The following CAPZB variants were observed in gnomAD, a reference collection of about 807,000 sequenced individuals.
CAPZB encodes the protein F-actin-capping protein subunit beta.
Under a neutral mutation model 38.1 loss-of-function variants are expected in CAPZB, and 2 were observed. That is an observed-to-expected ratio of 0.05 (90% CI 0.02 to 0.17). CAPZB has a LOEUF of 0.17. CAPZB is among the 10% of genes least tolerant of loss of function. The pLI, the probability that CAPZB is intolerant of heterozygous loss-of-function variation, is 1.00. For missense variants in CAPZB, 161 were observed against 334.2 expected (o/e 0.48, Z 4.04); for synonymous variants, 107 against 127.4 (o/e 0.84, Z 1.08).
At chr1:19,396,193 A>G (rs1303163771) in intron 2 of CAPZB, among the ~76,000 whole-genome samples, 1 of 152,178 alleles carries the variant, frequency 6.6e-6, no homozygotes, top group African/African-American at 2.4e-5. Flanking sequence ...GGCAGTGATG[A>G]GCTGTCTGGA....
At chr1:19,362,889 A>G (rs1363496393) in intron 4 of CAPZB, among the ~76,000 whole-genome samples, 1 of 151,952 alleles carries the variant, frequency 6.6e-6, no homozygotes, top group Non-Finnish European at 1.5e-5. Flanking sequence ...TGAACCATGA[A>G]GTGGGGGGGC....
intron 1 of CAPZB, among the ~76,000 whole-genome samples, chr1:19,447,988 G>A (rs952252313): frequency 3.9e-5 from 6 of 152,214 alleles, no homozygotes; most frequent in Non-Finnish European, 7.3e-5. Flanking sequence ...AAAAGAGGGC[G>A]GAGGGAGGGC....
intron 6 of CAPZB, among the ~76,000 whole-genome samples, chr1:19,354,083 T>C (rs1458245951): frequency 6.6e-6 from 1 of 152,218 alleles, no homozygotes; most frequent in Admixed American, 6.5e-5. Flanking sequence ...AGTAGCATAT[T>C]TTTTTCTCAC....
intron 1 of CAPZB, among the ~76,000 whole-genome samples, chr1:19,473,148 A>G (rs1421870819): frequency 1.3e-5 from 2 of 152,176 alleles, no homozygotes; most frequent in African/African-American, 2.4e-5. Context: ...TCACTAACAT[A>G]AAGCACTTTC....
rs189418192 is a variant in CAPZB, at chr1:19,440,528, G to A, written c.4-20778C>T. Among the ~76,000 whole-genome samples, 10 of 152,220 alleles carry A rather than the reference G, an allele frequency of 6.6e-5. No homozygotes were observed. The East Asian group carries it at 1.5e-3, about 23-fold the overall frequency. On this transcript the variant is annotated intron_variant, in intron 1 of 8. Coordinates refer to ENST00000264202, the MANE Select transcript of CAPZB (RefSeq NM_004930.5). ...ACTCCAGACCAGCCTAAGGCCAACCGTTCTGAATGGCAACCACTAGATTCA... is the reference window on the plus strand; with the variant it reads ...ACTCCAGACCAGCCTAAGGCCAACCATTCTGAATGGCAACCACTAGATTCA...
At chr1:19,471,676 A>T (rs1007161304) in intron 1 of CAPZB, among the ~76,000 whole-genome samples, 1 of 152,112 alleles carries the variant, frequency 6.6e-6, no homozygotes, top group African/African-American at 2.4e-5. Context: ...CATCCTGGCT[A>T]ACACGGTGAA....
intron 8 of CAPZB, among the ~76,000 whole-genome samples, chr1:19,342,055 T>A (rs2093932153): frequency 6.6e-6 from 1 of 152,254 alleles, no homozygotes; most frequent in African/African-American, 2.4e-5. Context: ...CAAGTCATGG[T>A]TCTTGGCCAT....
rs141381678 is a variant in CAPZB at position 19,435,592 on chromosome 1, T to C, written c.4-15842A>G. Among the ~76,000 whole-genome samples, 302 of 152,358 alleles carry C rather than the reference T, an allele frequency of 2.0e-3. 1 individual carries two copies. Among genetic ancestry groups the C allele is most frequent in the African/African-American group, 6.8e-3 (284 of 41,576 alleles). ...CTATAATAGTAATAGCTAAAACTTA[T>C]TAAGCCATTCTTCTAAGTGCTTTAT... On this transcript the variant is annotated intron_variant, in intron 1 of 8. Coordinates refer to ENST00000264202, the MANE Select transcript of CAPZB (RefSeq NM_004930.5).
At chr1:19,484,483 G>T in intron 1 of CAPZB, 1 of 1,424,794 alleles carries the variant, frequency 7.0e-7, no homozygotes, top group Non-Finnish European at 9.2e-7. Flanking sequence ...CTCGAGAAGG[G>T]CCCGCAGAGC....
At chr1:19,473,767 G>A (rs1167564005) in intron 1 of CAPZB, among the ~76,000 whole-genome samples, 8 of 152,170 alleles carry the variant, frequency 5.3e-5, no homozygotes, top group African/African-American at 1.9e-4. Flanking sequence ...GGGAGGCTGA[G>A]GCAGGAGAAT....
At chr1:19,365,620 C>G (rs2094079522) in intron 4 of CAPZB, among the ~76,000 whole-genome samples, 1 of 152,050 alleles carries the variant, frequency 6.6e-6, no homozygotes, top group African/African-American at 2.4e-5. Context: ...CACCTGAGGT[C>G]AGGAGTTCGA....
chr1:19,415,901 A>C (rs72965258), intron 2 of CAPZB, among the ~76,000 whole-genome samples: 4 of 152,214 alleles, frequency 2.6e-5, no homozygotes, highest in Non-Finnish European at 5.9e-5. Context: ...TTGAAAAGTC[A>C]TGCTCCATTT....
At chr1:19,485,357 G>C in intron 1 of CAPZB, 79 bp downstream of exon 1, 1 of 1,054,496 alleles carries the variant, frequency 9.5e-7, no homozygotes, top group Non-Finnish European at 1.2e-6. Flanking sequence ...ACCCGTCCCA[G>C]GCCAGGGATG....
intron 1 of CAPZB, among the ~76,000 whole-genome samples, chr1:19,463,397 G>A (rs2094558572): frequency 6.6e-6 from 1 of 152,230 alleles, no homozygotes; most frequent in Admixed American, 6.5e-5. Context: ...TGGGTCGGCT[G>A]CTTCTGCAAA....
intron 1 of CAPZB, among the ~76,000 whole-genome samples, chr1:19,480,366 T>C: frequency 6.6e-6 from 1 of 152,160 alleles, no homozygotes; most frequent in East Asian, 1.9e-4. Context: ...ACAGGAAAAC[T>C]GAGACCAAGG....
intron 4 of CAPZB, among the ~76,000 whole-genome samples, chr1:19,359,656 G>T (rs1165183017): frequency 1.2e-4 from 19 of 152,218 alleles, no homozygotes; most frequent in Admixed American, 1.2e-3. Flanking sequence ...AACACCTGTC[G>T]GATGGAGGTG....
rs13803 is a variant in CAPZB, at chr1:19,338,852, G to C, written c.*678C>G. 3.4e-3 allele frequency: 516 copies of C among 152,556 alleles called. 4 individuals are homozygous for C. The highest frequency in any genetic ancestry group is 5.9e-3 in the Non-Finnish European group (400 of 68,038). 9.5% of individuals were successfully genotyped at this position (152,556 alleles called of 1,614,324 possible). A position where few individuals can be genotyped will look rare whatever the true frequency, so the allele number is the denominator to read the frequency against. On this transcript the variant is annotated 3_prime_UTR_variant, in exon 9 of 9. Coordinates refer to ENST00000264202, the MANE Select transcript of CAPZB (RefSeq NM_004930.5). ...TATGGAGGCTCAAGTATAAGATGTA[G>C]ATTTTTTTCTTAAGCTTTACAAAAA...
chr1:19,433,183 T>C (rs971413527), intron 1 of CAPZB, among the ~76,000 whole-genome samples: 1 of 152,192 alleles, frequency 6.6e-6, no homozygotes, highest in African/African-American at 2.4e-5. Flanking sequence ...TCCCTGCACT[T>C]TGTCAACTGG....
chr1:19,482,313 G>A (rs991895574), intron 1 of CAPZB, among the ~76,000 whole-genome samples: 1 of 152,208 alleles, frequency 6.6e-6, no homozygotes, highest in African/African-American at 2.4e-5. Flanking sequence ...ACAGACAAGA[G>A]GGATGTGAGT....
Sources: gnomAD v4.1 joint callset for allele counts (sites outside exome capture counted in the v4.1 genomes callset) on GRCh38, gnomAD v4.1.1 for gene constraint, MANE v1.5 for transcripts, NCBI Gene and HGNC (gene_info 2026-07-23, HGNC 2026-07-21) for gene names.